The following ATP8A2 variants were observed in gnomAD, a reference collection of about 807,000 sequenced individuals.
The protein encoded by ATP8A2 is ATPase phospholipid transporting 8A2, also known as phospholipid-transporting ATPase IB.
A neutral mutation model predicts 165.6 loss-of-function variants in ATP8A2; 100 were observed. The ratio of observed to expected loss-of-function variants is 0.60; its 90% CI spans 0.51 to 0.71. The LOEUF is 0.71. Among genes scored for constraint, ATP8A2 ranks in the 30% least tolerant of loss-of-function variants. ATP8A2 has a pLI of 0.00. For synonymous variants in ATP8A2, 543 were observed against 548.8 expected, an observed-to-expected ratio of 0.99 and a Z score of 0.15; for missense variants, 1,227 against 1,479.5, an observed-to-expected ratio of 0.83 and a Z score of 2.80.
chr13:25,429,371 TAAAAA>T lies in ATP8A2; in HGVS notation c.77-39581_77-39577del, dbSNP rs751056483. Among the ~76,000 whole-genome samples the T allele has an allele frequency of 4.5e-3, 562 of 126,022 alleles. 23 individuals are homozygous for T. Among genetic ancestry groups the T allele is most frequent in the Non-Finnish European group, 6.7e-3 (420 of 62,686 alleles). 82.7% of individuals were successfully genotyped at this position (126,022 alleles called of 152,430 possible). On this transcript the variant is annotated intron_variant, in intron 1 of 36. Transcript: ENST00000381655. Reference sequence around the variant, plus strand: ...GGCCCATAACAGTGTGACTCCATCTTAAAAAAAAAAAAAAAAAAAAAAAAAAAAAG... The same window carrying T: ...GGCCCATAACAGTGTGACTCCATCTTAAAAAAAAAAAAAAAAAAAAAAAAG...
chr13:25,407,292 G>T (rs147336142), intron 1 of ATP8A2, among the ~76,000 whole-genome samples: 4 of 152,204 alleles, frequency 2.6e-5, no homozygotes, highest in African/African-American at 9.6e-5. Context: ...TTCTTTCCCA[G>T]CCTGTACCCA....
chr13:25,604,376 T>C (rs1405758660), intron 24 of ATP8A2, among the ~76,000 whole-genome samples: 1 of 151,886 alleles, frequency 6.6e-6, no homozygotes, highest in Non-Finnish European at 1.5e-5. Context: ...TTGATTGGAG[T>C]GAGTGCAAGG....
chr13:25,805,182 C>G (rs1241233909), intron 27 of ATP8A2, among the ~76,000 whole-genome samples: 3 of 151,724 alleles, frequency 2.0e-5, no homozygotes, highest in African/African-American at 7.3e-5. Context: ...CTTATTTTTT[C>G]CATCTACCCT....
chr13:25,917,415 A>T (rs1566267106), intron 33 of ATP8A2, among the ~76,000 whole-genome samples: 1 of 152,244 alleles, frequency 6.6e-6, no homozygotes, highest in Non-Finnish European at 1.5e-5. Flanking sequence ...AATATGATAC[A>T]GTAGTAGTTG....
intron 5 of ATP8A2, 56 bp downstream of exon 5, chr13:25,532,373 C>A: frequency 7.9e-7 from 1 of 1,265,414 alleles, no homozygotes. Flanking sequence ...ATAAGGCCTG[C>A]ATTTAAGGAA....
intron 35 of ATP8A2, among the ~76,000 whole-genome samples, chr13:25,984,576 C>T (rs898432887): frequency 2.0e-5 from 3 of 149,246 alleles, no homozygotes; most frequent in Admixed American, 6.7e-5. Context: ...CTAGCCTTGC[C>T]GACAGAGTGA....
rs764713371 is a variant in ATP8A2, at chr13:25,469,123, TAGG to T, written c.221+5_221+7del. The T allele has an allele frequency of 2.5e-6, 4 of 1,613,654 alleles. No individual in the cohort carries two copies. Among genetic ancestry groups the T allele is most frequent in the Non-Finnish European group, 3.4e-6 (4 of 1,179,744 alleles). Reference sequence around the variant, plus strand: ...CAAATTCCGCGACAACCAGATCAGGTAGGAGAAGGCGGCCGGCTCGCGCGGAAG... The same window carrying T: ...CAAATTCCGCGACAACCAGATCAGGTAGAAGGCGGCCGGCTCGCGCGGAAG... On this transcript the variant is annotated splice_donor_5th_base_variant and intron_variant, in intron 2 of 36. Transcript: ENST00000381655.
In ATP8A2 at chr13:26,005,057, T is replaced by C. The variant is rs371711084; in HGVS notation, c.3378-7474T>C. On this transcript the variant is annotated intron_variant, in intron 35 of 36. Transcript: ENST00000381655. Reference sequence around the variant, plus strand: ...TATTTTGGAAAAGTTTGAGAATTGGTATTAGTTCTTTAAGTGTTTGGTAGA... The same window carrying C: ...TATTTTGGAAAAGTTTGAGAATTGGCATTAGTTCTTTAAGTGTTTGGTAGA... Among the ~76,000 whole-genome samples the C allele has an allele frequency of 9.9e-5, 15 of 152,162 alleles. No homozygotes were observed. The South Asian group carries it at 2.7e-3, about 27-fold the overall frequency.
intron 24 of ATP8A2, among the ~76,000 whole-genome samples, chr13:25,627,402 A>G (rs1184218020): frequency 1.3e-5 from 2 of 152,130 alleles, no homozygotes; most frequent in Non-Finnish European, 2.9e-5. Flanking sequence ...CCCAAAATTT[A>G]TATGTTGAAG....
intron 2 of ATP8A2, among the ~76,000 whole-genome samples, chr13:25,507,787 G>A (rs61948585): frequency 0.038 from 5,837 of 152,282 alleles, 145 homozygotes; most frequent in Non-Finnish European, 0.05. Flanking sequence ...CATTTCCAAT[G>A]TCCAGTACCT....
chr13:25,558,825 TA>T (rs2138101265), intron 13 of ATP8A2, 147 bp from the exon 14 acceptor site: 1 of 549,152 alleles, frequency 1.8e-6, no homozygotes, highest in Non-Finnish European at 3.2e-6. Context: ...ATTAAAATAT[TA>T]ATATATTTTT....
chr13:25,893,678 G>A (rs1953448657), intron 33 of ATP8A2, among the ~76,000 whole-genome samples: 1 of 152,200 alleles, frequency 6.6e-6, no homozygotes, highest in South Asian at 2.1e-4. Flanking sequence ...CAGTGTAAAA[G>A]TGTTCCTATT....
chr13:25,870,027 T>C lies in ATP8A2; in HGVS notation c.3183+7619T>C, dbSNP rs541978655. Among the ~76,000 whole-genome samples the C allele has an allele frequency of 1.8e-4, 27 of 152,330 alleles. 2 individuals carry two copies. The South Asian group carries it at 1.9e-3, about 11-fold the overall frequency. On this transcript the variant is annotated intron_variant, in intron 33 of 36. Transcript: ENST00000381655. ...CTTGGAGAATGAGTGCAAGGTGTTA[T>C]TGAGTGGAAGTATCTCTCAGCAGAT...
chr13:25,494,699 T>G (rs1452730762), intron 2 of ATP8A2, among the ~76,000 whole-genome samples: 2 of 152,238 alleles, frequency 1.3e-5, no homozygotes, highest in African/African-American at 2.4e-5. Context: ...AAAAACTGAT[T>G]TGAAGCTTCT....
chr13:25,914,048 G>A (rs1340214315), intron 33 of ATP8A2, among the ~76,000 whole-genome samples: 3 of 152,180 alleles, frequency 2.0e-5, no homozygotes, highest in Admixed American at 6.5e-5. Context: ...CTCACTTGAT[G>A]TTTGTGCCAT....
intron 33 of ATP8A2, among the ~76,000 whole-genome samples, chr13:25,933,760 A>C (rs1273384113): frequency 6.6e-6 from 1 of 152,262 alleles, no homozygotes; most frequent in Non-Finnish European, 1.5e-5. Flanking sequence ...GTGTCTGTCC[A>C]CGGGACTGGC....
At chr13:25,527,348 A>C (rs2037874088) in intron 2 of ATP8A2, among the ~76,000 whole-genome samples, 1 of 152,166 alleles carries the variant, frequency 6.6e-6, no homozygotes, top group Admixed American at 6.5e-5. Context: ...GAAATGTGGA[A>C]TCTCAGGCCC....
chr13:25,885,425 T>G (rs1463188791), intron 33 of ATP8A2, among the ~76,000 whole-genome samples: 2 of 152,064 alleles, frequency 1.3e-5, no homozygotes, highest in Non-Finnish European at 2.9e-5. Context: ...CTTGCTTCTT[T>G]TCTCTAATGT....
intron 23 of ATP8A2, among the ~76,000 whole-genome samples, chr13:25,588,606 G>C (rs949979364): frequency 4.6e-5 from 7 of 152,220 alleles, no homozygotes; most frequent in Non-Finnish European, 7.3e-5. Context: ...CTTAGTTGAA[G>C]GCTGTTGATT....
Sources: allele counts gnomAD v4.1 joint callset (sites outside exome capture counted in the v4.1 genomes callset), GRCh38; gene constraint gnomAD v4.1.1; transcripts MANE v1.5; gene names NCBI Gene and HGNC (gene_info 2026-07-23, HGNC 2026-07-21).